KDM4B: variants seen among roughly 807,000 people sequenced by gnomAD.
KDM4B encodes lysine demethylase 4B.
A neutral mutation model predicts 125.2 loss-of-function variants in KDM4B; 32 were observed. The ratio of observed to expected loss-of-function variants is 0.26; its 90% CI spans 0.19 to 0.34. The LOEUF (loss-of-function observed/expected upper bound fraction) is 0.34, where lower values mean the gene tolerates loss of function less well. KDM4B is among the 10% of genes least tolerant of loss of function. The pLI, the probability that KDM4B is intolerant of heterozygous loss-of-function variation, is 1.00. For synonymous variants in KDM4B, 721 were observed against 677.9 expected (o/e 1.06, Z -0.99); for missense variants, 1,190 against 1,577.7 (o/e 0.75, Z 4.16).
At chr19:5,019,707 T>C (rs892725857) in intron 2 of KDM4B, among the ~76,000 whole-genome samples, 3 of 132,304 alleles carry the variant, frequency 2.3e-5, no homozygotes, top group Non-Finnish European at 3.2e-5. Context: ...TGGGTGTTGG[T>C]GTGCAGGTGG....
chr19:5,048,253 G>T (rs1010995110), intron 6 of KDM4B, among the ~76,000 whole-genome samples: 6 of 152,242 alleles, frequency 3.9e-5, no homozygotes, highest in African/African-American at 1.4e-4. Flanking sequence ...CCTTCTCCTG[G>T]CTCCCTGTGC....
At chr19:5,108,956 G>A (rs1323265336) in intron 9 of KDM4B, among the ~76,000 whole-genome samples, 1 of 152,140 alleles carries the variant, frequency 6.6e-6, no homozygotes, top group Non-Finnish European at 1.5e-5. Flanking sequence ...CCCCATGCCT[G>A]TGGAGACTCC....
intron 9 of KDM4B, among the ~76,000 whole-genome samples, chr19:5,093,149 C>T (rs2038745768): frequency 6.6e-6 from 1 of 152,214 alleles, no homozygotes; most frequent in Non-Finnish European, 1.5e-5. Context: ...GAGGCCCCTT[C>T]AGGGCAGCAT....
At chr19:5,084,641 T>C (rs1471568941) in intron 9 of KDM4B, among the ~76,000 whole-genome samples, 1 of 145,544 alleles carries the variant, frequency 6.9e-6, no homozygotes, top group Non-Finnish European at 1.5e-5. Flanking sequence ...AAATTATATA[T>C]GTATGTATAA....
At chr19:4,983,411 C>T (rs1022814204) in intron 1 of KDM4B, among the ~76,000 whole-genome samples, 1 of 152,216 alleles carries the variant, frequency 6.6e-6, no homozygotes, top group Admixed American at 6.5e-5. Flanking sequence ...CATTCACCAG[C>T]AATGGCAGGA....
chr19:5,150,489 CAGGG>C, intron 22 of KDM4B, 39 bp downstream of exon 22: 1 of 1,455,092 alleles, frequency 6.9e-7, no homozygotes, highest in Non-Finnish European at 9.4e-7. Flanking sequence ...CCGGGTGACT[CAGGG>C]AGCCCGTCTG....
chr19:5,051,978 C>T (rs1281940921), intron 6 of KDM4B, among the ~76,000 whole-genome samples: 4 of 152,088 alleles, frequency 2.6e-5, no homozygotes, highest in African/African-American at 4.8e-5. Flanking sequence ...CTTGTGCTCC[C>T]GTGAAGGGCA....
intron 11 of KDM4B, among the ~76,000 whole-genome samples, chr19:5,124,670 C>T (rs2039419676): frequency 6.6e-6 from 1 of 152,192 alleles, no homozygotes; most frequent in Admixed American, 6.5e-5. Flanking sequence ...AATCTCAGCT[C>T]ATGCAACCTC....
At chr19:5,089,141 C>G (rs889978360) in intron 9 of KDM4B, among the ~76,000 whole-genome samples, 2 of 152,218 alleles carry the variant, frequency 1.3e-5, no homozygotes, top group Non-Finnish European at 2.9e-5. Flanking sequence ...TGTGAATACA[C>G]AAGCTCCTGC....
At chr19:4,969,383 C>T (rs2034162318) in intron 1 of KDM4B, among the ~76,000 whole-genome samples, 153 bp downstream of exon 1, 1 of 58,380 alleles carries the variant, frequency 1.7e-5, no homozygotes, top group Non-Finnish European at 3.3e-5. Context: ...GCGCTTTGTC[C>T]GGGCCGGCGG....
intron 21 of KDM4B, among the ~76,000 whole-genome samples, chr19:5,149,036 G>A (rs1304228420): frequency 1.3e-5 from 2 of 152,196 alleles, no homozygotes; most frequent in African/African-American, 2.4e-5. Flanking sequence ...CGCCGCCTGC[G>A]CCGGCCAAGA....
rs1396783737 is a variant in KDM4B at position 5,141,872 on chromosome 19, GC to G, written c.2551-2093del. 2.0e-5 allele frequency among the ~76,000 whole-genome samples: 3 copies of G among 152,006 alleles called. No individual in the cohort carries two copies. Among genetic ancestry groups the G allele is most frequent in the Non-Finnish European group, 4.4e-5 (3 of 67,992 alleles). On this transcript the variant is annotated intron_variant, in intron 18 of 22. Transcript: ENST00000159111. This position sits in a 1 kb window ranked among gnomAD's most constrained non-coding sequence, Gnocchi z 6.4. ...GGAGGGGCTTGGGATGGGGGGAGGC[GC>G]CTCCAGGGCAGCAGGAGGGGTGGGC... is the stretch of plus-strand genomic sequence containing the variant.
In KDM4B at chr19:5,091,712, G is replaced by T. The variant is rs555387636; in HGVS notation, c.918+9208G>T. Among the ~76,000 whole-genome samples the T allele has an allele frequency of 3.3e-5, 5 of 151,116 alleles. No homozygotes were observed. In the East Asian group the frequency reaches 7.7e-4, roughly 23 times the overall value. On this transcript the variant is annotated intron_variant, in intron 9 of 22. Transcript: ENST00000159111. ...TCCAGGTGATTAACCCGGAGCCCAG[G>T]GGGAGGGAGCCCAGGGGGAGGCGGC...
intron 6 of KDM4B, among the ~76,000 whole-genome samples, chr19:5,048,418 G>T (rs1008150556): frequency 1.3e-5 from 2 of 152,214 alleles, no homozygotes; most frequent in African/African-American, 4.8e-5. Flanking sequence ...GGTGCTCCGC[G>T]GGGCTGCCCT....
chr19:5,084,529 G>A lies in KDM4B; in HGVS notation c.918+2025G>A, dbSNP rs1308156698. On this transcript the variant is annotated intron_variant, in intron 9 of 22. Coordinates refer to ENST00000159111, the MANE Select transcript of KDM4B (RefSeq NM_015015.3). ...TTATATATAAATATAAATTATATAT[G>A]TTATTTATATATTATATATAATATA... Among the ~76,000 whole-genome samples the A allele has an allele frequency of 7.6e-5, 4 of 52,528 alleles. 2 individuals carry two copies. Among genetic ancestry groups the A allele is most frequent in the African/African-American group, 3.1e-4 (4 of 12,832 alleles). The allele number at this position is 52,528 out of a possible 152,430, so 34.5% of individuals were successfully genotyped here.
At chr19:5,017,581 C>T (rs1449509902) in intron 2 of KDM4B, among the ~76,000 whole-genome samples, 4 of 152,138 alleles carry the variant, frequency 2.6e-5, no homozygotes, top group Admixed American at 6.5e-5. Flanking sequence ...ATTGGCAGGT[C>T]TGTCTGTGCC....
chr19:5,047,637 C>A lies in KDM4B; in HGVS notation c.594C>A (p.Ile198=), dbSNP rs776958574. The A allele has an allele frequency of 7.4e-6, 12 of 1,613,978 alleles. No homozygotes were observed. In the East Asian group the frequency reaches 8.9e-5, roughly 12 times the overall value. The change falls in exon 6 of 23, where the codon ATC becomes ATA. Residue 198 remains isoleucine (I), a synonymous_variant. Transcript: ENST00000159111. ...WHTEDMDLYS[I]NYLHFGEPKS... ...CCGAGGACATGGACCTGTACAGCAT[C>A]AACTACCTGCACTTTGGGGAGCCTA... is the stretch of plus-strand genomic sequence containing the variant.
chr19:5,065,908 G>A (rs187537496), intron 6 of KDM4B, among the ~76,000 whole-genome samples: 5 of 152,282 alleles, frequency 3.3e-5, no homozygotes, highest in Admixed American at 2.0e-4. Context: ...CAGCTCTGCC[G>A]CCAGCCCAGA....
chr19:5,075,268 CT>C (rs1052917176), intron 7 of KDM4B: 1 of 152,352 alleles, frequency 6.6e-6, no homozygotes, highest in African/African-American at 2.4e-5. Context: ...TCTGGCTCCC[CT>C]GGTGTTGGTT....
Sources: allele counts gnomAD v4.1 joint callset (sites outside exome capture counted in the v4.1 genomes callset), GRCh38; gene constraint gnomAD v4.1.1; non-coding constraint Gnocchi (gnomAD v3.1); transcripts MANE v1.5; gene names NCBI Gene and HGNC (gene_info 2026-07-23, HGNC 2026-07-21).